UCP2: variants seen among roughly 807,000 people sequenced by gnomAD.
UCP2 encodes dicarboxylate carrier SLC25A8.
UCP2 carries 27 observed loss-of-function variants against 31.3 expected under a neutral mutation model. That is an observed-to-expected ratio of 0.86 (90% CI 0.64 to 1.19). The LOEUF (loss-of-function observed/expected upper bound fraction) is 1.19, where lower values mean the gene tolerates loss of function less well. UCP2 is among the 50% of genes most tolerant of loss of function. The pLI is 0.00. For synonymous variants in UCP2, 142 were observed against 157.4 expected, an observed-to-expected ratio of 0.90 and a Z score of 0.73; for missense variants, 377 against 413.5, an observed-to-expected ratio of 0.91 and a Z score of 0.76.
In UCP2 at chr11:73,975,150, G is replaced by A. The variant is rs1565182917; in HGVS notation, c.816-29C>T. ...GAGGAGAAAAATCACAGGTCATGGG[G>A]GCACCTCCACCTCCCACTTCCCTCA... On this transcript the variant is annotated intron_variant, in intron 7 of 7. Transcript: ENST00000663595. 3.8e-6 allele frequency: 6 copies of A among 1,577,450 alleles called. No individual in the cohort carries two copies. In the South Asian group the frequency reaches 6.8e-5, roughly 18 times the overall value.
At chr11:73,977,787 G>T in intron 4 of UCP2, 99 bp downstream of exon 4, 2 of 1,500,004 alleles carry the variant, frequency 1.3e-6, no homozygotes, top group Non-Finnish European at 1.8e-6. Context: ...ATCTTCCTAG[G>T]GATCGTGGGG....
chr11:73,977,073 A>G (rs1951362715), intron 4 of UCP2, 56 bp from the exon 5 acceptor site: 1 of 1,526,932 alleles, frequency 6.5e-7, no homozygotes, highest in Non-Finnish European at 8.8e-7. Flanking sequence ...TTTCTACCTC[A>G]TCTCTCCTCA....
chr11:73,976,792 A>G (rs1342187421), intron 5 of UCP2, 31 bp downstream of exon 5: 1 of 1,614,164 alleles, frequency 6.2e-7, no homozygotes, highest in Non-Finnish European at 8.5e-7. Context: ...GGGGAGGAGG[A>G]AAAGGGGAAG....
chr11:73,978,291 T>A lies in UCP2; in HGVS notation c.88A>T (p.Ile30Phe). The change falls in exon 3 of 8, where the codon ATC (isoleucine) becomes TTC (phenylalanine). Residue 30 changes from isoleucine (I) to phenylalanine (F), a missense_variant. Coordinates refer to ENST00000663595, the MANE Select transcript of UCP2 (RefSeq NM_003355.3). ...TTAGCAGTATCCAGAGGAAAGGTGA[T>A]GAGATCTGCGATGCAGGCAGCTGTG... ...AGTAACIADLITFPLDTAKVR... is the reference protein window; with the variant it reads ...AGTAACIADLFTFPLDTAKVR... The A allele has an allele frequency of 6.2e-7, 1 of 1,612,498 alleles. No individual in the cohort carries two copies. The highest frequency in any genetic ancestry group is 8.5e-7 in the Non-Finnish European group (1 of 1,178,566).
At position 73,976,914 on chromosome 11, in the gene UCP2, C is replaced by G; in HGVS notation, c.441G>C (p.Gln147His). The change falls in exon 5 of 8, where the codon CAG (glutamine) becomes CAC (histidine). Residue 147 changes from glutamine to histidine, a missense_variant. Coordinates refer to ENST00000663595, the MANE Select transcript of UCP2 (RefSeq NM_003355.3). ...TDVVKVRFQA[Q>H]ARAGGGRRYQ... ...ATCTCCGACCACCTCCAGCCCGGGC[C>G]TGAGCTTGGAATCGGACCTTTACCA... 1 of 1,613,998 alleles carries G rather than the reference C, an allele frequency of 6.2e-7. No individual in the cohort carries two copies. The highest frequency in any genetic ancestry group is 8.5e-7 in the Non-Finnish European group (1 of 1,179,852).
intron 7 of UCP2, 147 bp downstream of exon 7, chr11:73,975,344 G>A: frequency 1.9e-6 from 2 of 1,040,994 alleles, no homozygotes; most frequent in Non-Finnish European, 2.8e-6. Context: ...GGAATTAAGG[G>A]GATAGGTGAA....
chr11:73,979,578 G>A (rs1318609345), intron 2 of UCP2, among the ~76,000 whole-genome samples: 1 of 151,762 alleles, frequency 6.6e-6, no homozygotes, highest in East Asian at 1.9e-4. Context: ...AAAAAACCTA[G>A]CACTTTGGGA....
In UCP2 at chr11:73,976,911, G is replaced by C; in HGVS notation, c.444C>G (p.Ala148=). The C allele has an allele frequency of 6.2e-7, 1 of 1,614,036 alleles. No individual in the cohort carries two copies. Among genetic ancestry groups the C allele is most frequent in the Non-Finnish European group, 8.5e-7 (1 of 1,179,882 alleles). Residue 148 remains alanine (A), a synonymous_variant, in exon 5 of 8, where the codon GCC becomes GCG. Transcript: ENST00000663595. Reference sequence around the variant, plus strand: ...GGTATCTCCGACCACCTCCAGCCCGGGCCTGAGCTTGGAATCGGACCTTTA... The same window carrying C: ...GGTATCTCCGACCACCTCCAGCCCGCGCCTGAGCTTGGAATCGGACCTTTA... ...DVVKVRFQAQ[A]RAGGGRRYQS...
At chr11:73,977,801 A>G in intron 4 of UCP2, 85 bp downstream of exon 4, 1 of 1,583,078 alleles carries the variant, frequency 6.3e-7, no homozygotes, top group Admixed American at 1.7e-5. Context: ...CGTGGGGCCT[A>G]AAAAACTATA....
Position 73,978,476 on chromosome 11 carries a change from A to C in UCP2, c.-98T>G. 1 of 1,552,720 alleles carries C rather than the reference A, an allele frequency of 6.4e-7. No homozygotes were observed. The highest frequency in any genetic ancestry group is 1.2e-5 in the South Asian group (1 of 86,842). On this transcript the variant is annotated splice_region_variant and 5_prime_UTR_variant, in exon 3 of 8. Coordinates refer to ENST00000663595, the MANE Select transcript of UCP2 (RefSeq NM_003355.3). Reference sequence around the variant, plus strand: ...GACGAGATAGAGGAACTCTGCCGGAATCTAAGCCAAGAGGAGAAAAGCCCC... The same window carrying C: ...GACGAGATAGAGGAACTCTGCCGGACTCTAAGCCAAGAGGAGAAAAGCCCC...
At position 73,978,345 on chromosome 11, in the gene UCP2, T is replaced by A. The variant is rs745503729; in HGVS notation, c.34A>T (p.Thr12Ser). ...VGFKATDVPPTATVKFLGAGT... is the reference protein window; with the variant it reads ...VGFKATDVPPSATVKFLGAGT... Reference sequence around the variant, plus strand: ...GCCCCAAGAAACTTCACAGTGGCAGTAGGGGGCACATCTGTGGCCTTGAAC... The same window carrying A: ...GCCCCAAGAAACTTCACAGTGGCAGAAGGGGGCACATCTGTGGCCTTGAAC... The change falls in exon 3 of 8, where the codon ACT becomes TCT. Residue 12 changes from threonine (T) to serine (S), a missense_variant. Coordinates refer to ENST00000663595, the MANE Select transcript of UCP2 (RefSeq NM_003355.3). 6.2e-7 allele frequency: 1 copy of A among 1,614,152 alleles called. No homozygotes were observed. Among genetic ancestry groups the A allele is most frequent in the Non-Finnish European group, 8.5e-7 (1 of 1,180,016 alleles).
At position 73,976,834 on chromosome 11, in the gene UCP2, C is replaced by T. The variant is rs1158812889; in HGVS notation, c.521G>A (p.Gly174Asp). ...CAACTGGTACACACCTTTCCAGAGG[C>T]CCCGGAACCCTTCCTCTCGGGCAAT... is the stretch of plus-strand genomic sequence containing the variant. ...KTIAREEGFR[G>D]LWKGTSPNVA... The change falls in exon 5 of 8, where the codon GGC (glycine) becomes GAC (aspartate). Residue 174 changes from glycine (G) to aspartate (D), a missense_variant. Transcript: ENST00000663595. The T allele has an allele frequency of 6.2e-7, 1 of 1,614,080 alleles. No individual in the cohort carries two copies. The highest frequency in any genetic ancestry group is 8.5e-7 in the Non-Finnish European group (1 of 1,180,038).
intron 7 of UCP2, 120 bp from the exon 8 acceptor site, chr11:73,975,241 C>A: frequency 9.8e-7 from 1 of 1,017,850 alleles, no homozygotes. Flanking sequence ...ACTCAATGAA[C>A]TGAGCTCACA....
Position 73,974,899 on chromosome 11 carries a change from AAG to A in UCP2, c.*106_*107del. The A allele has an allele frequency of 1.1e-6, 1 of 947,866 alleles. No homozygotes were observed. The highest frequency in any genetic ancestry group is 1.7e-6 in the Non-Finnish European group (1 of 599,096). The allele number at this position is 947,866 out of a possible 1,614,324, so 58.7% of individuals were successfully genotyped here. On this transcript the variant is annotated 3_prime_UTR_variant, in exon 8 of 8. Coordinates refer to ENST00000663595, the MANE Select transcript of UCP2 (RefSeq NM_003355.3). ...AAGGAGCGGAAGGAAGAGGTGGGGA[AAG>A]AGGGAAGGAGAGAAGGGAAGGAGGG...
intron 2 of UCP2, chr11:73,980,091 G>A (rs1343834256): frequency 6.6e-6 from 1 of 152,266 alleles, no homozygotes; most frequent in African/African-American, 2.4e-5. Context: ...GCCCCATTTT[G>A]TTCTGAGTTG....
chr11:73,978,724 G>C (rs984964136), intron 2 of UCP2: 7 of 367,286 alleles, frequency 1.9e-5, no homozygotes, highest in Admixed American at 3.7e-5. Flanking sequence ...CTGGATCAGA[G>C]CTCTCCTAGC....
rs919501637 is a variant in UCP2, at chr11:73,978,431, G to A, written c.-53C>T. On this transcript the variant is annotated 5_prime_UTR_variant, in exon 3 of 8. Coordinates refer to ENST00000663595, the MANE Select transcript of UCP2 (RefSeq NM_003355.3). ...AGATGGAGAAAAACTGGAGACAGGG[G>A]CACCTTTAATCAGCAACAAGACGAG... 1.2e-6 allele frequency: 2 copies of A among 1,612,076 alleles called. No individual in the cohort carries two copies. Among genetic ancestry groups the A allele is most frequent in the Non-Finnish European group, 1.7e-6 (2 of 1,179,318 alleles).
rs1951329517 is a variant in UCP2, at chr11:73,975,574, G to A, written c.732C>T (p.Asn244=). 3.7e-6 allele frequency: 6 copies of A among 1,614,206 alleles called. No homozygotes were observed. The highest frequency in any genetic ancestry group is 5.1e-6 in the Non-Finnish European group (6 of 1,180,038). ...CGCTACTGTACTGGCCCAGGGCAGA[G>A]TTCATGTATCTCGTCTTGACCACGT... The part of the protein sequence containing the change: ...PVDVVKTRYM[N]SALGQYSSAG... Residue 244 remains asparagine (N), a synonymous_variant, in exon 7 of 8, where the codon AAC becomes AAT. Coordinates refer to ENST00000663595, the MANE Select transcript of UCP2 (RefSeq NM_003355.3).
chr11:73,982,162 G>A (rs1388932073), intron 1 of UCP2, among the ~76,000 whole-genome samples: 1 of 152,220 alleles, frequency 6.6e-6, no homozygotes, highest in Non-Finnish European at 1.5e-5. Context: ...TCCAAGGCAG[G>A]GCTCGGCATC....
Sources: gnomAD v4.1 joint callset for allele counts (sites outside exome capture counted in the v4.1 genomes callset) on GRCh38, gnomAD v4.1.1 for gene constraint, MANE v1.5 for transcripts, NCBI Gene and HGNC (gene_info 2026-07-23, HGNC 2026-07-21) for gene names.